CDH12: variants seen among roughly 807,000 people sequenced by gnomAD.
CDH12 encodes the protein cadherin-12.
A neutral mutation model predicts 74.1 loss-of-function variants in CDH12; 41 were observed. The ratio of observed to expected loss-of-function variants is 0.55; its 90% CI spans 0.43 to 0.72. CDH12 has a LOEUF of 0.72. Ranked by LOEUF, CDH12 falls within the 30% of genes least tolerant of loss-of-function variation. CDH12 has a pLI of 0.00. For synonymous variants in CDH12, 399 were observed against 355.0 expected (o/e 1.12, Z -1.39); for missense variants, 945 against 977.2 (o/e 0.97, Z 0.44).
Position 22,607,891 on chromosome 5 carries a change from GT to G in CDH12, c.-522-102528del, listed in dbSNP as rs1189629416. 9.8e-5 allele frequency among the ~76,000 whole-genome samples: 15 copies of G among 152,340 alleles called. No homozygotes were observed. The South Asian group carries it at 2.5e-3, about 25-fold the overall frequency. On this transcript the variant is annotated intron_variant, in intron 1 of 14. Coordinates refer to ENST00000382254, the MANE Select transcript of CDH12 (RefSeq NM_004061.5). ...GGGTGCATAGAAGTCAAGAATTGGG[GT>G]TTGAAAACCTTCACCTAGATTTCAG...
At chr5:21,866,484 T>A (rs1751333746) in intron 6 of CDH12, among the ~76,000 whole-genome samples, 1 of 152,192 alleles carries the variant, frequency 6.6e-6, no homozygotes, top group Non-Finnish European at 1.5e-5. Flanking sequence ...GGAGCAAAGG[T>A]GACTCCTGTC....
chr5:22,845,747 A>G (rs1239635151), intron 1 of CDH12, among the ~76,000 whole-genome samples: 2 of 152,128 alleles, frequency 1.3e-5, no homozygotes, highest in Non-Finnish European at 2.9e-5. Context: ...GGCAGTGTTG[A>G]ACTTGACGTA....
intron 6 of CDH12, among the ~76,000 whole-genome samples, chr5:21,938,788 T>C (rs1755195708): frequency 1.4e-5 from 2 of 143,160 alleles, no homozygotes. Flanking sequence ...AGCCTAATTC[T>C]GGCAAAAGCA....
intron 3 of CDH12, among the ~76,000 whole-genome samples, chr5:22,355,526 AT>A (rs1211509136): frequency 0.13 from 3,606 of 26,714 alleles, 120 homozygotes; most frequent in African/African-American, 0.22. Context: ...AAAAAAAAAT[AT>A]ATATATATAT....
chr5:22,321,611 A>T (rs1738886236), intron 3 of CDH12, among the ~76,000 whole-genome samples: 2 of 151,140 alleles, frequency 1.3e-5, no homozygotes, highest in South Asian at 4.2e-4. Flanking sequence ...AACCTGCACA[A>T]TGTGCACATG....
intron 1 of CDH12, among the ~76,000 whole-genome samples, chr5:22,770,431 C>A (rs1746746007): frequency 6.6e-6 from 1 of 152,062 alleles, no homozygotes; most frequent in African/African-American, 2.4e-5. Flanking sequence ...CTTCAGTTGG[C>A]AAGAATTGAG....
intron 6 of CDH12, among the ~76,000 whole-genome samples, chr5:21,861,747 T>G (rs889746929): frequency 6.6e-6 from 1 of 152,130 alleles, no homozygotes; most frequent in African/African-American, 2.4e-5. Flanking sequence ...CATATTGAGC[T>G]GTATTGTCAA....
chr5:22,313,196 G>A (rs998063111), intron 3 of CDH12, among the ~76,000 whole-genome samples: 3 of 152,120 alleles, frequency 2.0e-5, no homozygotes, highest in African/African-American at 7.2e-5. Context: ...TGCCCCAAGG[G>A]ATTCACATAA....
At chr5:22,358,416 GA>G (rs545262517) in intron 3 of CDH12, among the ~76,000 whole-genome samples, 2 of 147,166 alleles carry the variant, frequency 1.4e-5, no homozygotes, top group Admixed American at 6.8e-5. Flanking sequence ...CTGTCTCCCA[GA>G]AAAAAAAAAG....
intron 2 of CDH12, among the ~76,000 whole-genome samples, chr5:22,461,717 A>C (rs1745533472): frequency 6.6e-6 from 1 of 151,532 alleles, no homozygotes; most frequent in South Asian, 2.1e-4. Context: ...GCCTCCAATT[A>C]TTTATTATAT....
At chr5:22,605,018 A>G (rs1391618565) in intron 1 of CDH12, among the ~76,000 whole-genome samples, 1 of 152,038 alleles carries the variant, frequency 6.6e-6, no homozygotes, top group Non-Finnish European at 1.5e-5. Flanking sequence ...TTATGTATCA[A>G]CTTGGACATT....
At chr5:21,937,665 A>C (rs1441319108) in intron 6 of CDH12, among the ~76,000 whole-genome samples, 1 of 152,176 alleles carries the variant, frequency 6.6e-6, no homozygotes, top group African/African-American at 2.4e-5. Context: ...ACTCAATCCT[A>C]TATGTGATTT....
At position 22,643,137 on chromosome 5, in the gene CDH12, G is replaced by C. The variant is rs114649172; in HGVS notation, c.-522-137773C>G. 9.6e-3 allele frequency among the ~76,000 whole-genome samples: 1,458 copies of C among 152,288 alleles called. 23 individuals are homozygous for C. Among genetic ancestry groups the C allele is most frequent in the African/African-American group, 0.034 (1,407 of 41,564 alleles). ...ATAAAAAGTGCAAGCTATATTGAAAGAGACTGCAAATATTTAATAACATTA... is the reference window on the plus strand; with the variant it reads ...ATAAAAAGTGCAAGCTATATTGAAACAGACTGCAAATATTTAATAACATTA... On this transcript the variant is annotated intron_variant, in intron 1 of 14. Coordinates refer to ENST00000382254, the MANE Select transcript of CDH12 (RefSeq NM_004061.5).
intron 1 of CDH12, among the ~76,000 whole-genome samples, chr5:22,711,484 G>A (rs189053770): frequency 2.5e-3 from 383 of 152,092 alleles, no homozygotes; most frequent in Non-Finnish European, 4.1e-3. Flanking sequence ...AAGAAACAAA[G>A]GTCATCATTG....
At chr5:22,608,865 C>A (rs750391686) in intron 1 of CDH12, among the ~76,000 whole-genome samples, 7 of 152,126 alleles carry the variant, frequency 4.6e-5, no homozygotes, top group African/African-American at 7.2e-5. Flanking sequence ...GCCTCCCCAG[C>A]CACGTGGAAC....
intron 1 of CDH12, among the ~76,000 whole-genome samples, chr5:22,622,353 GA>G (rs1738020347): frequency 2.0e-5 from 3 of 151,956 alleles, no homozygotes; most frequent in Admixed American, 6.6e-5. Flanking sequence ...ACTGAGAGTG[GA>G]AAAAGGGAAG....
chr5:22,812,358 A>G (rs1181059834), intron 1 of CDH12, among the ~76,000 whole-genome samples: 3 of 152,126 alleles, frequency 2.0e-5, no homozygotes, highest in African/African-American at 7.2e-5. Context: ...GTGCACTACC[A>G]CCCTGTCCGT....
At chr5:22,015,761 A>G (rs545792926) in intron 5 of CDH12, among the ~76,000 whole-genome samples, 1 of 152,308 alleles carries the variant, frequency 6.6e-6, no homozygotes, top group African/African-American at 2.4e-5. Context: ...AGATAGTTAT[A>G]CCAGAGATTT....
At chr5:22,482,456 C>A (rs1746421424) in intron 2 of CDH12, among the ~76,000 whole-genome samples, 2 of 152,234 alleles carry the variant, frequency 1.3e-5, no homozygotes, top group African/African-American at 4.8e-5. Context: ...TTATGTTGAA[C>A]AAACCTAGCT....
Sources: gnomAD v4.1 joint callset for allele counts (sites outside exome capture counted in the v4.1 genomes callset) on GRCh38, gnomAD v4.1.1 for gene constraint, MANE v1.5 for transcripts, NCBI Gene and HGNC (gene_info 2026-07-23, HGNC 2026-07-21) for gene names.